Variants in ALPK1 observed in about 807,000 individuals in gnomAD.
ALPK1 encodes alpha-protein kinase 1.
Under a neutral mutation model 120.6 loss-of-function variants are expected in ALPK1, and 110 were observed. The ratio of observed to expected loss-of-function variants is 0.91; its 90% CI spans 0.78 to 1.07. ALPK1 has a LOEUF of 1.07. ALPK1 is among the 50% of genes least tolerant of loss of function. ALPK1 has a pLI of 0.00. For synonymous variants in ALPK1, 582 were observed against 560.3 expected, an observed-to-expected ratio of 1.04 and a Z score of -0.55; for missense variants, 1,498 against 1,483.9, an observed-to-expected ratio of 1.01 and a Z score of -0.16.
chr4:112,342,281 A>T (rs1560644706), intron 2 of ALPK1, among the ~76,000 whole-genome samples: 1 of 152,218 alleles, frequency 6.6e-6, no homozygotes, highest in Non-Finnish European at 1.5e-5. Flanking sequence ...CATCCAAACT[A>T]TCATGATTAG....
intron 2 of ALPK1, among the ~76,000 whole-genome samples, chr4:112,375,110 A>G (rs2148724983): frequency 6.6e-6 from 1 of 151,872 alleles, no homozygotes; most frequent in African/African-American, 2.4e-5. Context: ...ATCTTCTTCC[A>G]CTACAAGGCT....
chr4:112,402,818 G>T (rs148753357), intron 4 of ALPK1, among the ~76,000 whole-genome samples: 38 of 152,256 alleles, frequency 2.5e-4, no homozygotes, highest in African/African-American at 7.5e-4. Context: ...GTAAGTTTTT[G>T]ATCTTGAGCT....
chr4:112,406,522 C>T (rs191981924), intron 4 of ALPK1, among the ~76,000 whole-genome samples: 12 of 152,234 alleles, frequency 7.9e-5, no homozygotes, highest in Admixed American at 2.0e-4. Flanking sequence ...GATTGGAAGA[C>T]GCCAGAAGCA....
intron 1 of ALPK1, among the ~76,000 whole-genome samples, chr4:112,301,492 A>G (rs1727784905): frequency 6.6e-6 from 1 of 152,096 alleles, no homozygotes; most frequent in Non-Finnish European, 1.5e-5. Context: ...CATTATGTAG[A>G]TAAGGTTAGG....
At chr4:112,376,604 A>G (rs1731673130) in intron 2 of ALPK1, among the ~76,000 whole-genome samples, 1 of 152,250 alleles carries the variant, frequency 6.6e-6, no homozygotes, top group South Asian at 2.1e-4. Flanking sequence ...GTTAGTTAAG[A>G]AACCATTGGC....
rs780322054 is a variant in ALPK1, at chr4:112,411,913, C to G, written c.363C>G (p.Leu121=). 1.9e-6 allele frequency: 3 copies of G among 1,614,108 alleles called. No homozygotes were observed. Among genetic ancestry groups the G allele is most frequent in the Middle Eastern group, 1.6e-4 (1 of 6,062 alleles). ...TGGTGGACCGGTTCCTGTATGGGCT[C>G]GACGTCTCTGGAAAACTTCTGCAGG... ...VFLVDRFLYG[L]DVSGKLLQVA... The change falls in exon 5 of 16, where the codon CTC becomes CTG. Residue 121 remains leucine, a synonymous_variant. Transcript: ENST00000650871.
Position 112,316,196 on chromosome 4 carries a change from C to T in ALPK1, c.-101+344C>T, listed in dbSNP as rs984091314. 7 of 152,164 alleles carry T rather than the reference C, an allele frequency of 4.6e-5. 2 individuals carry two copies. In the South Asian group the frequency reaches 1.5e-3, roughly 32 times the overall value. 9.4% of individuals were successfully genotyped at this position (152,164 alleles called of 1,614,324 possible). ...TCTGCATCCAGTAAAGAATAACTCC[C>T]ATTTCTCTCTTCCCCAGCCCCTGGC... is the stretch of plus-strand genomic sequence containing the variant. On this transcript the variant is annotated intron_variant, in intron 2 of 15. Transcript: ENST00000650871.
chr4:112,382,015 C>T (rs928246476), intron 3 of ALPK1, among the ~76,000 whole-genome samples: 13 of 152,252 alleles, frequency 8.5e-5, no homozygotes, highest in African/African-American at 2.9e-4. Flanking sequence ...ATCCACCTGC[C>T]ACAAGCCCAG....
intron 4 of ALPK1, among the ~76,000 whole-genome samples, chr4:112,395,750 G>T (rs1467641323): frequency 6.6e-6 from 1 of 152,182 alleles, no homozygotes; most frequent in Non-Finnish European, 1.5e-5. Flanking sequence ...AGCTAGTACA[G>T]TTTATTTTAA....
chr4:112,357,977 C>A, intron 2 of ALPK1: 1 of 697,384 alleles, frequency 1.4e-6, no homozygotes, highest in Non-Finnish European at 2.6e-6. Context: ...CGCCACCTTC[C>A]TGGCGGTATG....
chr4:112,439,033 C>G (rs1734911647), intron 13 of ALPK1, among the ~76,000 whole-genome samples: 1 of 152,196 alleles, frequency 6.6e-6, no homozygotes, highest in East Asian at 1.9e-4. Flanking sequence ...GCTCTCCCTC[C>G]TGGGACCATG....
At chr4:112,366,656 A>G (rs1052819486) in intron 2 of ALPK1, among the ~76,000 whole-genome samples, 6 of 142,552 alleles carry the variant, frequency 4.2e-5, no homozygotes, top group African/African-American at 1.6e-4. Context: ...TTAAAGAACT[A>G]AAAGTAGAAC....
chr4:112,346,117 C>T (rs908496153), intron 2 of ALPK1, among the ~76,000 whole-genome samples: 5 of 152,218 alleles, frequency 3.3e-5, no homozygotes, highest in African/African-American at 1.2e-4. Flanking sequence ...CCCACCTGGG[C>T]TTCCCAAAGT....
intron 4 of ALPK1, among the ~76,000 whole-genome samples, chr4:112,397,574 G>A (rs1732706008): frequency 6.6e-6 from 1 of 152,136 alleles, no homozygotes; most frequent in Non-Finnish European, 1.5e-5. Flanking sequence ...GAGCTTAGGG[G>A]CCAGACCCCT....
chr4:112,430,538 G>T lies in ALPK1; in HGVS notation c.991G>T (p.Ala331Ser), dbSNP rs367806439. ...KNLHLCEAKE[A>S]FEIGLLTKRD... Reference sequence around the variant, plus strand: ...CTTACATCTGTGTGAAGCCAAAGAGGCCTTTGAGATTGGCCTCCTCACCAA... The same window carrying T: ...CTTACATCTGTGTGAAGCCAAAGAGTCCTTTGAGATTGGCCTCCTCACCAA... Residue 331 changes from alanine (A) to serine (S), a missense_variant, in exon 11 of 16, where the codon GCC becomes TCC. Transcript: ENST00000650871. 1 of 1,613,984 alleles carries T rather than the reference G, an allele frequency of 6.2e-7. No homozygotes were observed. The highest frequency in any genetic ancestry group is 1.1e-5 in the South Asian group (1 of 91,088).
intron 2 of ALPK1, among the ~76,000 whole-genome samples, chr4:112,322,451 A>G (rs1227427171): frequency 1.3e-5 from 2 of 152,360 alleles, no homozygotes; most frequent in Non-Finnish European, 2.9e-5. Flanking sequence ...GGATTAATCA[A>G]CAAGATAGGT....
intron 8 of ALPK1, among the ~76,000 whole-genome samples, chr4:112,427,351 A>G (rs199756961): frequency 2.1e-4 from 7 of 32,904 alleles, no homozygotes; most frequent in Admixed American, 1.9e-3. Context: ...ATTATTATAT[A>G]CATGTTTGAT....
At chr4:112,392,604 G>C (rs921199078) in intron 4 of ALPK1, among the ~76,000 whole-genome samples, 2 of 152,206 alleles carry the variant, frequency 1.3e-5, no homozygotes, top group Admixed American at 6.5e-5. Flanking sequence ...TTGGCTGACT[G>C]TAACCTCTGC....
intron 2 of ALPK1, among the ~76,000 whole-genome samples, chr4:112,334,857 C>A (rs1270440708): frequency 6.6e-6 from 1 of 152,118 alleles, no homozygotes; most frequent in Non-Finnish European, 1.5e-5. Flanking sequence ...ATCATTGTTG[C>A]CCATATACAG....
Sources: allele counts gnomAD v4.1 joint callset (sites outside exome capture counted in the v4.1 genomes callset), GRCh38; gene constraint gnomAD v4.1.1; transcripts MANE v1.5; gene names NCBI Gene and HGNC (gene_info 2026-07-23, HGNC 2026-07-21).